Variants in SFTPB observed in about 807,000 individuals in gnomAD.
The protein encoded by SFTPB is pulmonary surfactant-associated protein B.
A neutral mutation model predicts 51.0 loss-of-function variants in SFTPB; 32 were observed. That is an observed-to-expected ratio of 0.63 (90% CI 0.47 to 0.84). The LOEUF is 0.84. Ranked by LOEUF, SFTPB falls within the 40% of genes least tolerant of loss-of-function variation. The pLI, the probability that SFTPB is intolerant of heterozygous loss-of-function variation, is 0.00. For synonymous variants in SFTPB, 211 were observed against 208.5 expected, an observed-to-expected ratio of 1.01 and a Z score of -0.10; for missense variants, 431 against 491.2, an observed-to-expected ratio of 0.88 and a Z score of 1.16.
chr2:85,665,925 C>T (rs915076451), intron 4 of SFTPB, 131 bp from the exon 5 acceptor site: 2 of 824,212 alleles, frequency 2.4e-6, no homozygotes, highest in African/African-American at 1.7e-5. Flanking sequence ...TGGTTTAGAA[C>T]TCTATGTGGG....
rs1454907306 is a variant in SFTPB, at chr2:85,667,699, C to T, written c.175G>A (p.Val59Ile). 5 of 1,614,154 alleles carry T rather than the reference C, an allele frequency of 3.1e-6. No individual in the cohort carries two copies. In the South Asian group the frequency reaches 5.5e-5, roughly 18 times the overall value. ...CTCACGGCTCCCACATGTCCCCAGA[C>T]TTCCTGTAGGCAATGCCCTAGGGCT... ...CRALGHCLQE[V>I]WGHVGADDLC... The change falls in exon 2 of 11, where the codon GTC becomes ATC. Residue 59 changes from valine (V) to isoleucine (I), a missense_variant. Physicochemically the swap from Val to Ile is conservative, Grantham distance 29. Coordinates refer to ENST00000519937, the MANE Select transcript of SFTPB (RefSeq NM_000542.5).
At chr2:85,661,394 C>A in intron 10 of SFTPB, 60 bp downstream of exon 10, 2 of 1,221,126 alleles carry the variant, frequency 1.6e-6, no homozygotes, top group Non-Finnish European at 2.4e-6. Flanking sequence ...AAGGGCCTCC[C>A]ATGCCCTGAT....
upstream of SFTPB, chr2:85,668,260 G>C (rs1458760763): frequency 7.3e-7 from 1 of 1,373,002 alleles, no homozygotes; most frequent in Non-Finnish European, 1.0e-6. Flanking sequence ...CTCTGTAGGA[G>C]TGGCAGCGAC....
At chr2:85,666,996 C>T (rs533840766) in intron 3 of SFTPB, 110 bp downstream of exon 3, 1 of 1,086,610 alleles carries the variant, frequency 9.2e-7, no homozygotes, top group Non-Finnish European at 1.4e-6. Flanking sequence ...CCCAGGCACC[C>T]AGGCCTCCTC....
At chr2:85,662,182 A>G in intron 8 of SFTPB, 73 bp from the exon 9 acceptor site, 5 of 1,556,670 alleles carry the variant, frequency 3.2e-6, no homozygotes, top group Non-Finnish European at 4.4e-6. Flanking sequence ...TGGCCTCTCC[A>G]CATCTCTGGA....
intron 6 of SFTPB, among the ~76,000 whole-genome samples, chr2:85,664,183 C>G (rs953075488): frequency 6.6e-6 from 1 of 152,202 alleles, no homozygotes; most frequent in African/African-American, 2.4e-5. Flanking sequence ...TCCTGCACTT[C>G]ACACAGGCAT....
At chr2:85,666,206 G>GTGTGTGTGC (rs1293061235) in intron 4 of SFTPB, among the ~76,000 whole-genome samples, 6 of 135,862 alleles carry the variant, frequency 4.4e-5, no homozygotes, top group Non-Finnish European at 9.3e-5. Context: ...CTGGGGTGCT[G>GTGTGTGTGC]TGTGTGTGCT....
At chr2:85,666,960 C>G (rs1243513605) in intron 3 of SFTPB, 146 bp downstream of exon 3, 2 of 940,544 alleles carry the variant, frequency 2.1e-6, no homozygotes, top group Non-Finnish European at 3.4e-6. Flanking sequence ...CCATGACCTG[C>G]TCCCAGCCAG....
At chr2:85,668,277 G>A, upstream of SFTPB, 1 of 1,248,258 alleles carries the variant, frequency 8.0e-7, no homozygotes, top group South Asian at 1.3e-5. Context: ...CGACCTCAGT[G>A]TTTGTCTTTG....
At position 85,667,109 on chromosome 2, in the gene SFTPB, G is replaced by T; in HGVS notation, c.264C>A (p.Phe88Leu). ...TCCAGGATCTGGGCATCATTACCTG[G>T]AAAATGGCCTCCTTGGCCATCTTGT... ...ILNKMAKEAI[F>L]QDTMRKFLEQ... is the part of the protein sequence containing the mutation. The change falls in exon 3 of 11, where the codon TTC becomes TTA. Residue 88 changes from phenylalanine to leucine, a missense_variant. By Grantham distance (22) the Phe-to-Leu change is conservative. Transcript: ENST00000519937. 6.2e-7 allele frequency: 1 copy of T among 1,611,132 alleles called. No homozygotes were observed. Among genetic ancestry groups the T allele is most frequent in the Non-Finnish European group, 8.5e-7 (1 of 1,177,304 alleles).
At chr2:85,660,240 G>C (rs959514165) in intron 10 of SFTPB, among the ~76,000 whole-genome samples, 1 of 144,860 alleles carries the variant, frequency 6.9e-6, no homozygotes, top group Non-Finnish European at 1.5e-5. Flanking sequence ...CTCCTCCTCA[G>C]CCTCCCAAGT....
intron 1 of SFTPB, 90 bp from the exon 2 acceptor site, chr2:85,667,896 T>G (rs1171002695): frequency 6.3e-7 from 1 of 1,578,510 alleles, no homozygotes. Context: ...CCAGTTTTGC[T>G]GGGAGTGTGA....
chr2:85,665,822 T>C (rs1198151616), intron 4 of SFTPB, 28 bp from the exon 5 acceptor site: 1 of 1,612,010 alleles, frequency 6.2e-7, no homozygotes, highest in Non-Finnish European at 8.5e-7. Flanking sequence ...GTGGGAGTGT[T>C]AGGGTCTGGG....
At chr2:85,668,086 C>T in intron 1 of SFTPB, 31 bp downstream of exon 1, 1 of 1,513,464 alleles carries the variant, frequency 6.6e-7, no homozygotes, top group African/African-American at 1.4e-5. Context: ...GGTGGAGCTG[C>T]CTAGGAGAGG....
chr2:85,663,360 G>T lies in SFTPB; in HGVS notation c.988C>A (p.Leu330Met). The T allele has an allele frequency of 6.2e-7, 1 of 1,612,600 alleles. No individual in the cohort carries two copies. The highest frequency in any genetic ancestry group is 8.5e-7 in the Non-Finnish European group (1 of 1,180,026). ...CCAGCCCATACCTTTTCCCTGTCCA[G>T]CCAGGAGCCAACACAGGCCTGGAGC... Reference protein sequence around the residue: ...AMLQACVGSWLDREKCKQFVE... With the variant: ...AMLQACVGSWMDREKCKQFVE... The change falls in exon 8 of 11, where the codon CTG (leucine) becomes ATG (methionine). Residue 330 changes from leucine to methionine, a missense_variant. Leu to Met is a conservative substitution (Grantham distance 15, BLOSUM62 2). Transcript: ENST00000519937.
In SFTPB at chr2:85,666,883, G is replaced by C. The variant is rs1010500966; in HGVS notation, c.268-141C>G. 11 of 1,180,756 alleles carry C rather than the reference G, an allele frequency of 9.3e-6. No homozygotes were observed. The South Asian group carries it at 1.3e-4, about 14-fold the overall frequency. 73.1% of individuals were successfully genotyped at this position (1,180,756 alleles called of 1,614,324 possible). On this transcript the variant is annotated intron_variant, in intron 3 of 10. Transcript: ENST00000519937. ...TTCACGAGTGCCAAGGAGTTAAGTA[G>C]TTGGGCACATGTAGGGGCCCTTCCC...
rs767341356 is a variant in SFTPB, at chr2:85,663,867, A to T, written c.673-20T>A. On this transcript the variant is annotated intron_variant, in intron 6 of 10. Transcript: ENST00000519937. The stretch of plus-strand genomic sequence containing the variant: ...CGCACCCTGGGGCGGGGGCGGAGAG[A>T]GGCCAGCATGGGACCTTCACTTGGC... 14 of 1,566,624 alleles carry T rather than the reference A, an allele frequency of 8.9e-6. No homozygotes were observed. The highest frequency in any genetic ancestry group is 1.2e-5 in the Non-Finnish European group (14 of 1,163,108).
At chr2:85,662,241 C>T in intron 8 of SFTPB, 132 bp from the exon 9 acceptor site, 1 of 1,521,378 alleles carries the variant, frequency 6.6e-7, no homozygotes, top group Non-Finnish European at 8.9e-7. Flanking sequence ...CACGGAACAC[C>T]TCTGGCTGCA....
At chr2:85,665,431 C>G in intron 5 of SFTPB, 53 bp from the exon 6 acceptor site, 2 of 1,482,692 alleles carry the variant, frequency 1.3e-6, no homozygotes, top group South Asian at 1.1e-5. Flanking sequence ...AAGAGTCCTC[C>G]AGGCTCTCCT....
Sources: allele counts gnomAD v4.1 joint callset (sites outside exome capture counted in the v4.1 genomes callset), GRCh38; gene constraint gnomAD v4.1.1; transcripts MANE v1.5; gene names NCBI Gene and HGNC (gene_info 2026-07-23, HGNC 2026-07-21).